Variants in ADGRF5 observed in about 807,000 individuals in gnomAD.
ADGRF5 encodes adhesion G protein-coupled receptor F5, also known as G-protein coupled receptor 116.
ADGRF5 carries 75 observed loss-of-function variants against 132.3 expected under a neutral mutation model. The observed-to-expected ratio is 0.57, with a 90% CI of 0.47 to 0.69. The LOEUF is 0.69. ADGRF5 is among the 30% of genes least tolerant of loss of function. The probability of loss-of-function intolerance (pLI) is 0.00; values close to 1 mark genes in which losing one functional copy is unlikely to be tolerated. For synonymous variants in ADGRF5, 629 were observed against 597.6 expected (o/e 1.05, Z -0.77); for missense variants, 1,516 against 1,630.6 (o/e 0.93, Z 1.21).
chr6:46,931,664 C>T (rs1386297464), intron 1 of ADGRF5, among the ~76,000 whole-genome samples: 1 of 152,234 alleles, frequency 6.6e-6, no homozygotes, highest in Non-Finnish European at 1.5e-5. Context: ...TGTGCTTTCT[C>T]CCAGGGTGAC....
At chr6:46,951,978 G>A (rs924704122) in intron 1 of ADGRF5, among the ~76,000 whole-genome samples, 13 of 152,230 alleles carry the variant, frequency 8.5e-5, no homozygotes, top group Non-Finnish European at 1.9e-4. Flanking sequence ...ATGAGAGAAT[G>A]TGAGTGCAGA....
chr6:46,853,253 T>A lies in ADGRF5; in HGVS notation c.*739A>T, dbSNP rs1195536275. Reference sequence around the variant, plus strand: ...GATCATATTTCCTTCCATTCATTTCTTATAAATATTGTTATCCACTTGAAG... The same window carrying A: ...GATCATATTTCCTTCCATTCATTTCATATAAATATTGTTATCCACTTGAAG... On this transcript the variant is annotated 3_prime_UTR_variant, in exon 21 of 21. Coordinates refer to ENST00000283296, the MANE Select transcript of ADGRF5 (RefSeq NM_001098518.2). 6.6e-6 allele frequency: 1 copy of A among 152,206 alleles called. No homozygotes were observed. Among genetic ancestry groups the A allele is most frequent in the Non-Finnish European group, 1.5e-5 (1 of 68,036 alleles). 9.4% of individuals were successfully genotyped at this position (152,206 alleles called of 1,614,324 possible).
chr6:46,880,147 G>C (rs1179859889), intron 8 of ADGRF5, 108 bp from the exon 9 acceptor site: 3 of 756,232 alleles, frequency 4.0e-6, no homozygotes, highest in Non-Finnish European at 2.2e-6. Context: ...GACAGCATCT[G>C]TGGTGCTGAA....
intron 8 of ADGRF5, 67 bp downstream of exon 8, chr6:46,881,388 T>C (rs1288232635): frequency 7.1e-7 from 1 of 1,401,244 alleles, no homozygotes; most frequent in Non-Finnish European, 1.0e-6. Flanking sequence ...CATTGTAGCA[T>C]AAACTAATTT....
At chr6:46,912,541 T>C (rs1335560779) in intron 1 of ADGRF5, among the ~76,000 whole-genome samples, 1 of 151,920 alleles carries the variant, frequency 6.6e-6, no homozygotes, top group African/African-American at 2.4e-5. Flanking sequence ...GGACTTGTCA[T>C]TGCAACAACA....
chr6:46,944,897 G>A (rs76906900), intron 1 of ADGRF5, among the ~76,000 whole-genome samples: 1,591 of 152,210 alleles, frequency 0.01, 33 homozygotes, highest in African/African-American at 0.037. Context: ...AGGAGGTTGG[G>A]TGGAATCTGT....
chr6:46,918,019 G>A (rs560343530), intron 1 of ADGRF5, among the ~76,000 whole-genome samples: 19 of 152,232 alleles, frequency 1.2e-4, no homozygotes, highest in Non-Finnish European at 2.6e-4. Flanking sequence ...CAATTCCACA[G>A]CACTTAGCAA....
upstream of ADGRF5, among the ~76,000 whole-genome samples, chr6:46,924,377 A>T (rs1345472772): frequency 6.6e-6 from 1 of 152,354 alleles, no homozygotes; most frequent in Non-Finnish European, 1.5e-5. Context: ...TGTTATGCCC[A>T]GCTCGTATTA....
Position 46,866,873 on chromosome 6 carries a change from C to A in ADGRF5, c.1834+52G>T, listed in dbSNP as rs1770509748. 7.1e-6 allele frequency: 8 copies of A among 1,129,738 alleles called. No homozygotes were observed. The East Asian group carries it at 1.9e-4, about 27-fold the overall frequency. 70.0% of individuals were successfully genotyped at this position (1,129,738 alleles called of 1,614,324 possible). On this transcript the variant is annotated intron_variant, in intron 13 of 20. Coordinates refer to ENST00000283296, the MANE Select transcript of ADGRF5 (RefSeq NM_001098518.2). ...CCTATTTTAAGACTAAATTTTTAGA[C>A]TCCACATATGTGAAATAATATACCC...
At chr6:46,899,914 A>C (rs553140673) in intron 3 of ADGRF5, 115 bp downstream of exon 3, 1 of 755,668 alleles carries the variant, frequency 1.3e-6, no homozygotes, top group African/African-American at 1.7e-5. Flanking sequence ...ACTGCACTAT[A>C]TGACCCTGAT....
intron 1 of ADGRF5, among the ~76,000 whole-genome samples, chr6:46,946,664 G>A (rs1041024726): frequency 1.3e-5 from 2 of 152,164 alleles, no homozygotes; most frequent in African/African-American, 4.8e-5. Flanking sequence ...AGCTCTGGAG[G>A]CAGGGAAGGG....
Position 46,881,732 on chromosome 6 carries a change from C to G in ADGRF5, c.672-135G>C. 1.6e-5 allele frequency: 11 copies of G among 697,634 alleles called. 1 individual carries two copies. In the South Asian group the frequency reaches 2.2e-4, roughly 14 times the overall value. 43.2% of individuals were successfully genotyped at this position (697,634 alleles called of 1,614,324 possible). On this transcript the variant is annotated intron_variant, in intron 7 of 20. Coordinates refer to ENST00000283296, the MANE Select transcript of ADGRF5 (RefSeq NM_001098518.2). ...ATGCAAATCTATGGATCTGACTGGC[C>G]AGCAGGATCTTCTGGAAGAAAGACA...
chr6:46,864,716 A>G (rs928910116), intron 14 of ADGRF5, among the ~76,000 whole-genome samples: 19 of 152,058 alleles, frequency 1.2e-4, no homozygotes, highest in Admixed American at 9.8e-4. Flanking sequence ...AGTAGAGACG[A>G]GGTTTCACCG....
intron 2 of ADGRF5, chr6:46,905,279 G>A (rs1462850438): frequency 6.6e-6 from 1 of 152,158 alleles, no homozygotes; most frequent in East Asian, 1.9e-4. Context: ...GTGTATGAGT[G>A]TACAGGTTGT....
intron 1 of ADGRF5, among the ~76,000 whole-genome samples, chr6:46,936,332 G>A (rs1248415739): frequency 6.6e-6 from 1 of 152,140 alleles, no homozygotes; most frequent in East Asian, 1.9e-4. Context: ...TTGTGGTTTC[G>A]CTGTTGGTCA....
At chr6:46,896,314 C>G (rs1204844937) in intron 3 of ADGRF5, among the ~76,000 whole-genome samples, 1 of 152,140 alleles carries the variant, frequency 6.6e-6, no homozygotes, top group African/African-American at 2.4e-5. Flanking sequence ...ACTCATTGTC[C>G]TAACAGGCAG....
chr6:46,951,155 G>A (rs777092402), intron 1 of ADGRF5, among the ~76,000 whole-genome samples: 1 of 152,228 alleles, frequency 6.6e-6, no homozygotes, highest in Admixed American at 6.5e-5. Context: ...GAGTGGGTAA[G>A]AAATTACCAG....
At chr6:46,899,505 C>T (rs1278063615) in intron 3 of ADGRF5, among the ~76,000 whole-genome samples, 17 of 152,198 alleles carry the variant, frequency 1.1e-4, no homozygotes, top group Admixed American at 1.1e-3. Flanking sequence ...TGCAGCTCTT[C>T]ACCTACCCCT....
At chr6:46,919,866 ATTTATACCT>A (rs1776764699) in intron 1 of ADGRF5, among the ~76,000 whole-genome samples, 1 of 152,192 alleles carries the variant, frequency 6.6e-6, no homozygotes, top group African/African-American at 2.4e-5. Flanking sequence ...GATACTGCTT[ATTTATACCT>A]TTTTCCCAAA....
Sources: gnomAD v4.1 joint callset for allele counts (sites outside exome capture counted in the v4.1 genomes callset) on GRCh38, gnomAD v4.1.1 for gene constraint, MANE v1.5 for transcripts, NCBI Gene and HGNC (gene_info 2026-07-23, HGNC 2026-07-21) for gene names.